Variants in GABRG3 observed in about 807,000 individuals in gnomAD.
GABRG3 encodes the protein gamma-aminobutyric acid type A receptor subunit gamma3, also known as gamma-aminobutyric acid receptor subunit gamma-3.
Under a neutral mutation model 48.8 loss-of-function variants are expected in GABRG3, and 25 were observed. The ratio of observed to expected loss-of-function variants is 0.51; its 90% CI spans 0.37 to 0.72. The LOEUF is 0.72. GABRG3 is among the 30% of genes least tolerant of loss of function. The pLI, the probability that GABRG3 is intolerant of heterozygous loss-of-function variation, is 0.00. For synonymous variants in GABRG3, 227 were observed against 217.6 expected (o/e 1.04, Z -0.38); for missense variants, 394 against 577.9 (o/e 0.68, Z 3.26).
At chr15:27,003,366 G>GCGGCCTTC (rs1192759407) in intron 2 of GABRG3, among the ~76,000 whole-genome samples, 2 of 151,726 alleles carry the variant, frequency 1.3e-5, no homozygotes, top group Admixed American at 1.3e-4. Context: ...AGAGGTCCCT[G>GCGGCCTTC]CGGCCTTCCG....
intron 9 of GABRG3, chr15:27,530,755 A>G (rs1438940550): frequency 2.8e-5 from 13 of 470,512 alleles, no homozygotes; most frequent in Non-Finnish European, 5.3e-5. Flanking sequence ...GCAAATGGCC[A>G]GACTTCTCCT....
intron 3 of GABRG3, among the ~76,000 whole-genome samples, chr15:27,229,942 G>T (rs959107687): frequency 6.6e-6 from 1 of 152,012 alleles, no homozygotes; most frequent in Admixed American, 6.6e-5. Context: ...GAAGAATGTT[G>T]TTGTCAGTTT....
chr15:27,320,048 G>A (rs534072112), intron 3 of GABRG3, among the ~76,000 whole-genome samples: 36 of 152,168 alleles, frequency 2.4e-4, no homozygotes, highest in South Asian at 1.2e-3. Flanking sequence ...AGCATCACCC[G>A]GTTCCCAGGG....
chr15:27,123,485 G>T (rs953258207), intron 3 of GABRG3, among the ~76,000 whole-genome samples: 2 of 152,176 alleles, frequency 1.3e-5, no homozygotes, highest in Non-Finnish European at 2.9e-5. Context: ...ACAGGCCTTC[G>T]CCAGACACCT....
At chr15:27,101,753 A>T (rs994920476) in intron 3 of GABRG3, among the ~76,000 whole-genome samples, 1 of 150,682 alleles carries the variant, frequency 6.6e-6, no homozygotes, top group Non-Finnish European at 1.5e-5. Flanking sequence ...GGGGTGTCCA[A>T]TCTCTCGGCT....
intron 3 of GABRG3, among the ~76,000 whole-genome samples, chr15:27,312,350 G>A (rs1353476919): frequency 6.6e-6 from 1 of 152,084 alleles, no homozygotes; most frequent in East Asian, 1.9e-4. Flanking sequence ...AATCCTGGAA[G>A]AAGAGAAAGA....
At chr15:27,489,527 C>T (rs1890298411) in intron 6 of GABRG3, among the ~76,000 whole-genome samples, 1 of 152,224 alleles carries the variant, frequency 6.6e-6, no homozygotes, top group Non-Finnish European at 1.5e-5. Flanking sequence ...TCCACATCCT[C>T]TCCAGCATCT....
chr15:27,262,589 G>T (rs1230729384), intron 3 of GABRG3, among the ~76,000 whole-genome samples: 1 of 152,226 alleles, frequency 6.6e-6, no homozygotes, highest in East Asian at 1.9e-4. Context: ...CTCATTTGAA[G>T]TGGGACGATG....
chr15:26,980,223 A>G (rs1313401830), intron 2 of GABRG3, among the ~76,000 whole-genome samples: 2 of 152,136 alleles, frequency 1.3e-5, no homozygotes, highest in African/African-American at 4.8e-5. Context: ...CAGTCTTGCT[A>G]GAGGTTTATT....
chr15:27,317,994 C>T (rs561821593), intron 3 of GABRG3, among the ~76,000 whole-genome samples: 3 of 152,264 alleles, frequency 2.0e-5, no homozygotes, highest in Admixed American at 1.3e-4. Flanking sequence ...ATAAAGAACC[C>T]ATGCCCATTC....
intron 3 of GABRG3, among the ~76,000 whole-genome samples, chr15:27,058,626 CTTT>C (rs200563157): frequency 7.0e-6 from 1 of 143,238 alleles, no homozygotes. Flanking sequence ...TGTGAAAGTA[CTTT>C]TTTTTTTTTT....
intron 6 of GABRG3, among the ~76,000 whole-genome samples, chr15:27,487,565 T>C (rs572537867): frequency 6.6e-6 from 1 of 152,306 alleles, no homozygotes; most frequent in Non-Finnish European, 1.5e-5. Flanking sequence ...AAGAGTTAAT[T>C]TGACTTCCTG....
intron 5 of GABRG3, among the ~76,000 whole-genome samples, chr15:27,334,578 T>C (rs28750279): frequency 0.12 from 18,156 of 152,234 alleles, 2,029 homozygotes; most frequent in African/African-American, 0.3. Context: ...ATGGCACTGC[T>C]GCTGTTAGCG....
chr15:27,512,685 C>T (rs145868520), intron 6 of GABRG3, among the ~76,000 whole-genome samples: 1,625 of 152,304 alleles, frequency 0.011, 13 homozygotes, highest in Non-Finnish European at 0.016. Flanking sequence ...CACTGGCACA[C>T]TCACATATGG....
chr15:27,084,928 G>C (rs941119045), intron 3 of GABRG3, among the ~76,000 whole-genome samples: 2 of 152,196 alleles, frequency 1.3e-5, no homozygotes, highest in African/African-American at 4.8e-5. Flanking sequence ...TTAATTCTCT[G>C]TGTGAGCACC....
chr15:27,375,158 G>A (rs1361324326), intron 5 of GABRG3, among the ~76,000 whole-genome samples: 26 of 152,176 alleles, frequency 1.7e-4, no homozygotes, highest in Admixed American at 1.7e-3. Context: ...ACAAAAGTAT[G>A]TAGGTGTGTT....
chr15:27,368,329 A>G (rs1344951625), intron 5 of GABRG3, among the ~76,000 whole-genome samples: 2 of 152,192 alleles, frequency 1.3e-5, no homozygotes, highest in African/African-American at 4.8e-5. Flanking sequence ...ACGCACACAT[A>G]CATGCACTCA....
intron 3 of GABRG3, among the ~76,000 whole-genome samples, chr15:27,079,297 A>C (rs1481905923): frequency 1.3e-5 from 2 of 149,656 alleles, no homozygotes; most frequent in Non-Finnish European, 2.9e-5. Context: ...AGATAGTGCC[A>C]AAAAAAAGGC....
At chr15:27,081,806 G>A (rs1435089233) in intron 3 of GABRG3, among the ~76,000 whole-genome samples, 1 of 152,230 alleles carries the variant, frequency 6.6e-6, no homozygotes, top group East Asian at 1.9e-4. Flanking sequence ...ACATACTGCA[G>A]ATGCTCATGC....
Sources: allele counts gnomAD v4.1 joint callset (sites outside exome capture counted in the v4.1 genomes callset), GRCh38; gene constraint gnomAD v4.1.1; transcripts MANE v1.5; gene names NCBI Gene and HGNC (gene_info 2026-07-23, HGNC 2026-07-21).